The following ADAMTSL1 variants were observed in gnomAD, a reference collection of about 807,000 sequenced individuals.
The protein encoded by ADAMTSL1 is ADAMTS-like protein 1.
In ADAMTSL1, 126 loss-of-function variants were observed where a neutral mutation model predicts 201.8. The observed-to-expected ratio is 0.62, with a 90% CI of 0.54 to 0.72. The LOEUF (loss-of-function observed/expected upper bound fraction) is 0.72. ADAMTSL1 is among the 30% of genes least tolerant of loss of function. ADAMTSL1 has a pLI of 0.00. For synonymous variants in ADAMTSL1, 1,121 were observed against 903.4 expected (o/e 1.24, Z -4.32); for missense variants, 2,679 against 2,277.8 (o/e 1.18, Z -3.59).
chr9:17,991,193 A>G (rs966755811), intron 1 of ADAMTSL1, among the ~76,000 whole-genome samples: 8 of 152,294 alleles, frequency 5.3e-5, no homozygotes, highest in Non-Finnish European at 1.0e-4. Context: ...TACTTAAAAT[A>G]TGAGGAAATT....
chr9:18,569,166 G>A lies in ADAMTSL1; in HGVS notation c.238-4864G>A, dbSNP rs143117922. Among the ~76,000 whole-genome samples the A allele has an allele frequency of 2.4e-3, 360 of 152,248 alleles. 6 individuals carry two copies. In the East Asian group the frequency reaches 0.046, roughly 20 times the overall value. ...ATCTGATCTACTGTCATCATCAGGG[G>A]ACATCTGGGATCCATCTTATCTTTC... On this transcript the variant is annotated intron_variant, in intron 3 of 28. Coordinates refer to ENST00000380548, the MANE Select transcript of ADAMTSL1 (RefSeq NM_001040272.6).
chr9:18,527,210 A>G (rs541340284), intron 2 of ADAMTSL1, among the ~76,000 whole-genome samples: 2 of 152,368 alleles, frequency 1.3e-5, no homozygotes, highest in Admixed American at 6.5e-5. Flanking sequence ...TTGAAAAGCT[A>G]GTGATATTCA....
intron 1 of ADAMTSL1, among the ~76,000 whole-genome samples, chr9:17,943,489 G>A (rs1377190966): frequency 6.6e-6 from 1 of 152,074 alleles, no homozygotes; most frequent in Non-Finnish European, 1.5e-5. Flanking sequence ...AACCTTGTGG[G>A]TGGGGGTAGT....
Position 18,777,097 on chromosome 9 carries a change from T to C in ADAMTSL1, c.2868T>C (p.Phe956=), listed in dbSNP as rs548387819. The C allele has an allele frequency of 6.2e-6, 10 of 1,613,160 alleles. No individual in the cohort carries two copies. In the African/African-American group the frequency reaches 9.3e-5, roughly 15 times the overall value. ...CAGCGGGCCCGGCCCGGGAGCACTTTGTGATTAAGCTCATCGGAGGCAACC... is the reference window on the plus strand; with the variant it reads ...CAGCGGGCCCGGCCCGGGAGCACTTCGTGATTAAGCTCATCGGAGGCAACC... ...TCSAGPAREH[F]VIKLIGGNRK... Residue 956 remains phenylalanine, a synonymous_variant, in exon 19 of 29, where the codon TTT becomes TTC. Transcript: ENST00000380548.
At chr9:18,098,934 T>C (rs1403131665) in intron 1 of ADAMTSL1, among the ~76,000 whole-genome samples, 1 of 152,148 alleles carries the variant, frequency 6.6e-6, no homozygotes, top group Non-Finnish European at 1.5e-5. Flanking sequence ...TTTGTGAGTT[T>C]CCCTCCCCTA....
intron 2 of ADAMTSL1, among the ~76,000 whole-genome samples, chr9:18,174,796 GT>G (rs1828064577): frequency 6.6e-6 from 1 of 151,934 alleles, no homozygotes; most frequent in Admixed American, 6.6e-5. Context: ...GTTTTCCCTG[GT>G]TGTTAATGGT....
chr9:18,526,384 CTT>C (rs1007176911), intron 2 of ADAMTSL1, among the ~76,000 whole-genome samples: 2 of 152,160 alleles, frequency 1.3e-5, no homozygotes, highest in Non-Finnish European at 2.9e-5. Flanking sequence ...GATCTTGGCT[CTT>C]TATCCAATTT....
intron 14 of ADAMTSL1, 75 bp from the exon 15 acceptor site, chr9:18,721,461 C>T (rs1280267085): frequency 2.5e-6 from 4 of 1,568,938 alleles, no homozygotes; most frequent in Non-Finnish European, 3.5e-6. Context: ...CCACCAGCTG[C>T]CTTGTCTACA....
intron 1 of ADAMTSL1, among the ~76,000 whole-genome samples, chr9:17,979,194 C>T (rs186442292): frequency 1.4e-3 from 216 of 152,136 alleles, no homozygotes; most frequent in African/African-American, 4.9e-3. Context: ...ATTCATAAAC[C>T]TGGATGTCCA....
chr9:18,821,850 T>G (rs940195040), intron 21 of ADAMTSL1, among the ~76,000 whole-genome samples: 5 of 152,092 alleles, frequency 3.3e-5, no homozygotes, highest in African/African-American at 1.2e-4. Context: ...GCCTTCCAAA[T>G]GTAATAAGGG....
intron 2 of ADAMTSL1, among the ~76,000 whole-genome samples, chr9:18,227,093 G>T (rs375253994): frequency 2.0e-4 from 30 of 152,046 alleles, no homozygotes; most frequent in African/African-American, 6.3e-4. Flanking sequence ...GGAAGGTATA[G>T]CCAGAGTTAA....
intron 11 of ADAMTSL1, 128 bp downstream of exon 11, chr9:18,680,644 A>T: frequency 1.0e-6 from 1 of 974,824 alleles, no homozygotes; most frequent in Non-Finnish European, 1.5e-6. Context: ...CTACCAGCTT[A>T]GCTCCTGGAG....
chr9:18,406,339 C>CT (rs1247651022), intron 2 of ADAMTSL1, among the ~76,000 whole-genome samples: 1 of 143,708 alleles, frequency 7.0e-6, no homozygotes, highest in Non-Finnish European at 1.5e-5. Context: ...CTTTTCTTTT[C>CT]TTTTTTTGAC....
chr9:18,830,376 C>T (rs1262679598), intron 23 of ADAMTSL1, among the ~76,000 whole-genome samples: 5 of 152,176 alleles, frequency 3.3e-5, no homozygotes, highest in Non-Finnish European at 5.9e-5. Context: ...TAAACTAGAG[C>T]AATAATCAAC....
chr9:18,335,506 T>C lies in ADAMTSL1; in HGVS notation c.208-169323T>C, dbSNP rs555866943. ...ACAGGTGGTAATCTCTACAGAAGTA[T>C]TGTGTGTTTGATTATTGTAACCTAG... On this transcript the variant is annotated intron_variant, in intron 2 of 29. Transcript: ENST00000680146. 2.0e-5 allele frequency among the ~76,000 whole-genome samples: 3 copies of C among 152,148 alleles called. No individual in the cohort carries two copies. The South Asian group carries it at 6.2e-4, about 32-fold the overall frequency.
Position 18,706,797 on chromosome 9 carries a change from C to T in ADAMTSL1, c.1625C>T (p.Thr542Ile). 1 of 1,609,064 alleles carries T rather than the reference C, an allele frequency of 6.2e-7. No homozygotes were observed. Among genetic ancestry groups the T allele is most frequent in the Non-Finnish European group, 8.5e-7 (1 of 1,177,638 alleles). ...TGCACAGTCACCTGTGGTGTGGGGACCCAGGTGCGAATAGTCAGGTGCCAG... is the reference window on the plus strand; with the variant it reads ...TGCACAGTCACCTGTGGTGTGGGGATCCAGGTGCGAATAGTCAGGTGCCAG... ...SACTVTCGVGTQVRIVRCQVL... is the reference protein window; with the variant it reads ...SACTVTCGVGIQVRIVRCQVL... The change falls in exon 14 of 29, where the codon ACC (threonine) becomes ATC (isoleucine). Residue 542 changes from threonine (T) to isoleucine (I), a missense_variant. Physicochemically the swap from Thr to Ile is moderately conservative, Grantham distance 89. Coordinates refer to ENST00000380548, the MANE Select transcript of ADAMTSL1 (RefSeq NM_001040272.6).
intron 3 of ADAMTSL1, among the ~76,000 whole-genome samples, chr9:18,545,058 A>G (rs996503945): frequency 6.6e-6 from 1 of 152,198 alleles, no homozygotes; most frequent in Non-Finnish European, 1.5e-5. Context: ...AAAATGACAG[A>G]TAAAGACTGA....
intron 16 of ADAMTSL1, among the ~76,000 whole-genome samples, chr9:18,755,732 C>G (rs946240351): frequency 3.3e-5 from 5 of 152,014 alleles, no homozygotes; most frequent in Non-Finnish European, 7.4e-5. Context: ...TACTTTGGGC[C>G]TGCGAAGATA....
At chr9:18,477,008 A>G (rs1019245938) in intron 1 of ADAMTSL1, among the ~76,000 whole-genome samples, 4 of 152,186 alleles carry the variant, frequency 2.6e-5, no homozygotes, top group African/African-American at 9.7e-5. Context: ...TTATATCATA[A>G]ATTTATATTC....
Sources: allele counts gnomAD v4.1 joint callset (sites outside exome capture counted in the v4.1 genomes callset), GRCh38; gene constraint gnomAD v4.1.1; transcripts MANE v1.5; gene names NCBI Gene and HGNC (gene_info 2026-07-23, HGNC 2026-07-21).